CSTPP1: variants seen among roughly 807,000 people sequenced by gnomAD.
CSTPP1 encodes UPF0705 protein C11orf49.
At chr11:47,130,899 G>C in the CSTPP1 span, 1 of 152,232 alleles carries the variant, frequency 6.6e-6, no homozygotes, top group South Asian at 2.1e-4. Context: ...CTGAAAATTG[G>C]AGAGTCCACA....
the CSTPP1 span, among the ~76,000 whole-genome samples, chr11:46,951,048 C>T: frequency 1.3e-5 from 2 of 152,150 alleles, no homozygotes; most frequent in Non-Finnish European, 2.9e-5. Flanking sequence ...CAGCTGATCC[C>T]ACTTTTCTTT....
chr11:47,051,317 C>T, the CSTPP1 span, among the ~76,000 whole-genome samples: 511 of 152,268 alleles, frequency 3.4e-3, 4 homozygotes, highest in African/African-American at 0.012. Flanking sequence ...GCCTATTCTT[C>T]GGTGGAATTT....
the CSTPP1 span, among the ~76,000 whole-genome samples, chr11:47,082,902 G>T: frequency 5.9e-5 from 9 of 152,020 alleles, no homozygotes; most frequent in Non-Finnish European, 1.3e-4. Context: ...AGTTCTTGGG[G>T]TACATGTGCA....
chr11:47,015,306 A>T, the CSTPP1 span, among the ~76,000 whole-genome samples: 2 of 146,922 alleles, frequency 1.4e-5, no homozygotes, highest in African/African-American at 5.0e-5. Context: ...GTCTCTACTA[A>T]AAAAAAAAAA....
chr11:47,111,153 A>G, the CSTPP1 span, among the ~76,000 whole-genome samples: 4 of 152,118 alleles, frequency 2.6e-5, no homozygotes, highest in East Asian at 5.8e-4. Context: ...CGGCCTGAGA[A>G]CACATCTTTA....
chr11:46,974,672 C>G, the CSTPP1 span, among the ~76,000 whole-genome samples: 1 of 151,606 alleles, frequency 6.6e-6, no homozygotes, highest in Admixed American at 6.6e-5. Flanking sequence ...GAAACCCCAT[C>G]TATACCAAAA....
the CSTPP1 span, among the ~76,000 whole-genome samples, chr11:47,043,820 T>C: frequency 6.6e-6 from 1 of 152,048 alleles, no homozygotes; most frequent in Non-Finnish European, 1.5e-5. Flanking sequence ...GGCGAAACCC[T>C]GTCTCTACAA....
At chr11:47,124,894 G>A in the CSTPP1 span, among the ~76,000 whole-genome samples, 2 of 152,190 alleles carry the variant, frequency 1.3e-5, no homozygotes, top group Non-Finnish European at 1.5e-5. Flanking sequence ...CCAGGATGGA[G>A]AGCACTATCA....
At chr11:47,038,685 C>A in the CSTPP1 span, among the ~76,000 whole-genome samples, 2 of 115,760 alleles carry the variant, frequency 1.7e-5, no homozygotes, top group Non-Finnish European at 4.3e-5. Flanking sequence ...GGGGGCTGAC[C>A]CCCCCACCTC....
the CSTPP1 span, among the ~76,000 whole-genome samples, chr11:46,965,919 G>A: frequency 4.6e-5 from 7 of 152,174 alleles, no homozygotes; most frequent in East Asian, 3.8e-4. Flanking sequence ...TTTTACCCTC[G>A]TATGATTTAT....
chr11:47,069,981 G>A, the CSTPP1 span, among the ~76,000 whole-genome samples: 1 of 152,304 alleles, frequency 6.6e-6, no homozygotes, highest in South Asian at 2.1e-4. Flanking sequence ...CCAAAGTGCT[G>A]GGATTACAGG....
the CSTPP1 span, among the ~76,000 whole-genome samples, chr11:47,011,181 T>G: frequency 6.6e-6 from 1 of 152,218 alleles, no homozygotes; most frequent in African/African-American, 2.4e-5. Flanking sequence ...TTTGTGTCAG[T>G]CTGTCAAACT....
the CSTPP1 span, among the ~76,000 whole-genome samples, chr11:47,078,431 G>A: frequency 1.3e-5 from 2 of 152,224 alleles, no homozygotes; most frequent in Admixed American, 6.5e-5. Context: ...AGCGGTGTTA[G>A]TGAGTTGAGT....
At chr11:47,158,170 G>GAAGC in the CSTPP1 span, among the ~76,000 whole-genome samples, 4 of 152,172 alleles carry the variant, frequency 2.6e-5, no homozygotes, top group Non-Finnish European at 5.9e-5. Context: ...CCCCATAGCA[G>GAAGC]AAGCGCCCAG....
the CSTPP1 span, among the ~76,000 whole-genome samples, chr11:47,018,197 G>A: frequency 6.7e-6 from 1 of 149,620 alleles, no homozygotes; most frequent in African/African-American, 2.5e-5. Flanking sequence ...AAATACTCAT[G>A]TACTCATTTC....
At chr11:47,002,443 A>G in the CSTPP1 span, among the ~76,000 whole-genome samples, 1 of 152,168 alleles carries the variant, frequency 6.6e-6, no homozygotes, top group African/African-American at 2.4e-5. Context: ...TGTAGAATCC[A>G]TCTCACTTCT....
chr11:47,040,407 C>A, the CSTPP1 span, among the ~76,000 whole-genome samples: 1 of 126,886 alleles, frequency 7.9e-6, no homozygotes, highest in East Asian at 2.1e-4. Context: ...CACTTCTACA[C>A]CCACCAGGAG....
the CSTPP1 span, chr11:47,161,594 G>A: frequency 2.5e-6 from 4 of 1,614,070 alleles, no homozygotes; most frequent in African/African-American, 2.7e-5. Context: ...AGTGGATGGA[G>A]AGAGTGATGG....
At chr11:47,032,682 C>T in the CSTPP1 span, among the ~76,000 whole-genome samples, 1 of 152,054 alleles carries the variant, frequency 6.6e-6, no homozygotes, top group Non-Finnish European at 1.5e-5. Context: ...ACTTCTTATT[C>T]ATGATAGCTT....
Sources: allele counts gnomAD v4.1 joint callset (sites outside exome capture counted in the v4.1 genomes callset), GRCh38; gene constraint gnomAD v4.1.1; transcripts MANE v1.5; gene names NCBI Gene and HGNC (gene_info 2026-07-23, HGNC 2026-07-21).